The following NFIC variants were observed in gnomAD, a reference collection of about 807,000 sequenced individuals.
NFIC encodes the protein nuclear factor I C.
Under a neutral mutation model 54.4 loss-of-function variants are expected in NFIC, and 12 were observed. That is an observed-to-expected ratio of 0.22 (90% CI 0.14 to 0.36). The LOEUF (loss-of-function observed/expected upper bound fraction) is 0.36, where lower values mean the gene tolerates loss of function less well. Among genes scored for constraint, NFIC ranks in the 10% least tolerant of loss-of-function variants. NFIC has a pLI of 1.00. For synonymous variants in NFIC, 322 were observed against 319.2 expected (o/e 1.01, Z -0.09); for missense variants, 575 against 718.2 (o/e 0.80, Z 2.28).
At chr19:3,385,082 T>C (rs1408304563) in intron 2 of NFIC, among the ~76,000 whole-genome samples, 3 of 129,938 alleles carry the variant, frequency 2.3e-5, no homozygotes, top group Non-Finnish European at 4.7e-5. Context: ...GGTTGGCCTC[T>C]CTGAGTGAAG....
chr19:3,381,837 C>T lies in NFIC; in HGVS notation c.156C>T (p.Asp52=), dbSNP rs778072650. 4 of 1,613,892 alleles carry T rather than the reference C, an allele frequency of 2.5e-6. No individual in the cohort carries two copies. Among genetic ancestry groups the T allele is most frequent in the Non-Finnish European group, 3.4e-6 (4 of 1,179,980 alleles). Residue 52 remains aspartate (D), a synonymous_variant, in exon 2 of 11, where the codon GAC becomes GAT. Coordinates refer to ENST00000443272, the MANE Select transcript of NFIC (RefSeq NM_001245002.2). ...AGCACGAGAAGCGGATGTCGAAGGA[C>T]GAGGAGCGTGCGGTCAAGGACGAGC... ...FKKHEKRMSK[D]EERAVKDELL...
rs941743049 is a variant in NFIC, at chr19:3,459,420, C to G, written c.1509+2785C>G. On this transcript the variant is annotated intron_variant, in intron 10 of 10. Transcript: ENST00000443272. This position sits in a 1 kb window ranked among gnomAD's most constrained non-coding sequence, Gnocchi z 4.2. ...TGTCCTTCACGCCCCTACATTTCTC[C>G]TGCACGGGAACCCACGTAAGCAGCT... 1.3e-5 allele frequency among the ~76,000 whole-genome samples: 2 copies of G among 152,164 alleles called. No individual in the cohort carries two copies. Among genetic ancestry groups the G allele is most frequent in the African/African-American group, 2.4e-5 (1 of 41,406 alleles).
chr19:3,403,038 C>T (rs1278541207), intron 2 of NFIC, among the ~76,000 whole-genome samples: 2 of 152,202 alleles, frequency 1.3e-5, no homozygotes, highest in Non-Finnish European at 2.9e-5. Flanking sequence ...TATACCAGAT[C>T]CTATCAGGAG....
Position 3,433,518 on chromosome 19 carries a change from A to T in NFIC, c.635A>T (p.Asp212Val). The change falls in exon 4 of 11, where the codon GAC becomes GTC. Residue 212 changes from aspartate (D) to valine (V), a missense_variant and splice_region_variant. Around this residue, in one of 3 missense-constraint regions of NFIC, gnomAD observed 447 missense variants for 526.9 expected, o/e 0.85. Coordinates refer to ENST00000443272, the MANE Select transcript of NFIC (RefSeq NM_001245002.2). ...TGACCCCGCTGTCTTCCTGTTCCAG[A>T]CACGACCGACTTCCAGGAGAGCTTT... ...DQEDSKPITL[D>V]TTDFQESFVT... 6.2e-7 allele frequency: 1 copy of T among 1,613,726 alleles called. No individual in the cohort carries two copies. Among genetic ancestry groups the T allele is most frequent in the Non-Finnish European group, 8.5e-7 (1 of 1,179,774 alleles).
chr19:3,446,889 G>A (rs950627007), intron 6 of NFIC, among the ~76,000 whole-genome samples: 9 of 152,088 alleles, frequency 5.9e-5, no homozygotes, highest in African/African-American at 2.2e-4. Flanking sequence ...GCCTGGACAT[G>A]ATGGTGCATG....
chr19:3,363,238 T>TGTGTGTGCGC (rs1237685097), upstream of NFIC, among the ~76,000 whole-genome samples: 169 of 64,596 alleles, frequency 2.6e-3, 5 homozygotes, highest in African/African-American at 0.012. Flanking sequence ...TGTGTATGTG[T>TGTGTGTGCGC]GTGTATATAT....
Position 3,412,146 on chromosome 19 carries a change from G to A in NFIC, c.563-12960G>A, listed in dbSNP as rs554809591. Among the ~76,000 whole-genome samples, 5 of 152,274 alleles carry A rather than the reference G, an allele frequency of 3.3e-5. No homozygotes were observed. In the East Asian group the frequency reaches 5.8e-4, roughly 18 times the overall value. The stretch of plus-strand genomic sequence containing the variant: ...CACCCAGGCTGGAATGCAGTGGTGC[G>A]ATCATAGCTCACTGCAGCCTGGAGC... On this transcript the variant is annotated intron_variant, in intron 2 of 10. Transcript: ENST00000443272.
In NFIC at chr19:3,429,232, A is replaced by C. The variant is rs952982874; in HGVS notation, c.634+4055A>C. 5.2e-3 allele frequency among the ~76,000 whole-genome samples: 219 copies of C among 41,990 alleles called. 6 individuals are homozygous for C. Among genetic ancestry groups the C allele is most frequent in the East Asian group, 0.047 (24 of 516 alleles). The allele number at this position is 41,990 out of a possible 152,430, so 27.5% of individuals were successfully genotyped here. A position where few individuals can be genotyped will look rare whatever the true frequency, so the allele number is the denominator to read the frequency against. On this transcript the variant is annotated intron_variant, in intron 3 of 10. Coordinates refer to ENST00000443272, the MANE Select transcript of NFIC (RefSeq NM_001245002.2). ...TATAGCAAGACCCTATCTCTACCCC[A>C]AAAAAAAAAAAAAAAATATATACAC...
intron 2 of NFIC, among the ~76,000 whole-genome samples, chr19:3,422,311 C>T (rs1002646311): frequency 2.0e-5 from 3 of 151,426 alleles, no homozygotes; most frequent in Non-Finnish European, 4.4e-5. Flanking sequence ...TGGCCTCAAG[C>T]GATCCTCCCG....
Position 3,376,428 on chromosome 19 carries a change from C to CAAAAA in NFIC, c.31-5257_31-5253dup, listed in dbSNP as rs35724239. 1.3e-3 allele frequency among the ~76,000 whole-genome samples: 61 copies of CAAAAA among 48,190 alleles called. 1 individual carries two copies. The highest frequency in any genetic ancestry group is 0.012 in the South Asian group (10 of 844). 31.6% of individuals were successfully genotyped at this position (48,190 alleles called of 152,430 possible). A position where few individuals can be genotyped will look rare whatever the true frequency, so the allele number is the denominator to read the frequency against. ...TGGGCAACAGTGTGAGACACTGTCT[C>CAAAAA]AAAAAAAAAAAAAAAAAAAAAAAAA... On this transcript the variant is annotated intron_variant, in intron 1 of 10. Transcript: ENST00000443272.
rs548851795 is a variant in NFIC at position 3,382,192 on chromosome 19, G to C, written c.511G>C (p.Val171Leu). 1 of 1,610,326 alleles carries C rather than the reference G, an allele frequency of 6.2e-7. No homozygotes were observed. Among genetic ancestry groups the C allele is most frequent in the African/African-American group, 1.3e-5 (1 of 75,076 alleles). ...VLCVQPHHIG[V>L]AVKELDLYLA... The stretch of plus-strand genomic sequence containing the variant: ...GTGCGTGCAGCCGCACCACATTGGC[G>C]TGGCCGTCAAGGAGCTGGACCTCTA... The change falls in exon 2 of 11, where the codon GTG becomes CTG. Residue 171 changes from valine to leucine, a missense_variant. By Grantham distance (32) the Val-to-Leu change is conservative. Transcript: ENST00000443272.
At chr19:3,442,777 C>T (rs575708080) in intron 6 of NFIC, among the ~76,000 whole-genome samples, 3 of 152,336 alleles carry the variant, frequency 2.0e-5, no homozygotes, top group East Asian at 1.9e-4. Context: ...CCTCCACCCC[C>T]CCTTGGCTCT....
At chr19:3,426,531 T>C (rs957631736) in intron 3 of NFIC, among the ~76,000 whole-genome samples, 2 of 152,194 alleles carry the variant, frequency 1.3e-5, no homozygotes, top group African/African-American at 4.8e-5. Flanking sequence ...CTTCTCACTA[T>C]GGCCAGAGGA....
At chr19:3,457,401 G>A (rs962353553) in intron 10 of NFIC, among the ~76,000 whole-genome samples, 2 of 152,192 alleles carry the variant, frequency 1.3e-5, no homozygotes, top group East Asian at 3.9e-4. Flanking sequence ...AGGGAGTGGG[G>A]GCGTGGGAGG....
At chr19:3,427,207 T>C (rs906148898) in intron 3 of NFIC, among the ~76,000 whole-genome samples, 1 of 152,034 alleles carries the variant, frequency 6.6e-6, no homozygotes, top group Non-Finnish European at 1.5e-5. Flanking sequence ...ATTACAGGCA[T>C]GAGCCACCGC....
At chr19:3,408,882 C>A (rs1253970907) in intron 2 of NFIC, among the ~76,000 whole-genome samples, 1 of 152,182 alleles carries the variant, frequency 6.6e-6, no homozygotes, top group African/African-American at 2.4e-5. Flanking sequence ...CCGCCCCTGG[C>A]TGACACCCGG....
At chr19:3,367,850 T>C (rs2080925336) in intron 1 of NFIC, among the ~76,000 whole-genome samples, 1 of 151,934 alleles carries the variant, frequency 6.6e-6, no homozygotes, top group Non-Finnish European at 1.5e-5. Flanking sequence ...GTGGGGAGTA[T>C]ATGAGTCCCC....
At chr19:3,429,894 T>A (rs2082094575) in intron 3 of NFIC, among the ~76,000 whole-genome samples, 1 of 152,188 alleles carries the variant, frequency 6.6e-6, no homozygotes, top group Admixed American at 6.6e-5. Flanking sequence ...ATCATCCCCA[T>A]CGGAGAAGCC....
chr19:3,390,863 G>C (rs2081366746), intron 2 of NFIC, among the ~76,000 whole-genome samples: 1 of 151,940 alleles, frequency 6.6e-6, no homozygotes, highest in South Asian at 2.1e-4. Flanking sequence ...CCAGGGGCTG[G>C]GGAGGGGGCT....
Sources: allele counts gnomAD v4.1 joint callset (sites outside exome capture counted in the v4.1 genomes callset), GRCh38; gene constraint gnomAD v4.1.1; regional missense constraint gnomAD v4.1.1; non-coding constraint Gnocchi (gnomAD v3.1); transcripts MANE v1.5; gene names NCBI Gene and HGNC (gene_info 2026-07-23, HGNC 2026-07-21).